Variants in F5 observed in about 807,000 individuals in gnomAD.
The protein encoded by F5 is activated protein c cofactor.
In F5, 138 loss-of-function variants were observed where a neutral mutation model predicts 216.4. The ratio of observed to expected loss-of-function variants is 0.64; its 90% CI spans 0.56 to 0.73. The LOEUF (loss-of-function observed/expected upper bound fraction) is 0.73. Among genes scored for constraint, F5 ranks in the 30% least tolerant of loss-of-function variants. The pLI is 0.00. For missense variants in F5, 2,403 were observed against 2,674.0 expected (o/e 0.90, Z 2.24); for synonymous variants, 916 against 930.7 (o/e 0.98, Z 0.29).
At position 169,511,993 on chromosome 1, in the gene F5, T is replaced by G. The variant is rs891250442; in HGVS notation, c.*2320A>C. Among the ~76,000 whole-genome samples, 1 of 152,064 alleles carries G rather than the reference T, an allele frequency of 6.6e-6. No homozygotes were observed. Among genetic ancestry groups the G allele is most frequent in the Non-Finnish European group, 1.5e-5 (1 of 67,978 alleles). ...TTTTTATTTCAAAATAACAGGGGTT[T>G]TAATATTTCTACACAGCATTAGATA... is the stretch of plus-strand genomic sequence containing the variant. On this transcript the variant is annotated 3_prime_UTR_variant, in exon 25 of 25. Transcript: ENST00000367797.
chr1:169,585,571 G>A (rs1661087799), intron 1 of F5, among the ~76,000 whole-genome samples: 1 of 152,036 alleles, frequency 6.6e-6, no homozygotes, highest in South Asian at 2.1e-4. Context: ...AGTTACATAT[G>A]CCTTTAAGTA....
intron 2 of F5, 146 bp downstream of exon 2, chr1:169,582,285 C>T (rs1390774527): frequency 3.9e-6 from 2 of 509,446 alleles, no homozygotes; most frequent in Middle Eastern, 5.4e-4. Context: ...GCACTGGGCC[C>T]CACATATTAT....
Position 169,556,736 on chromosome 1 carries a change from G to A in F5, c.862C>T (p.Leu288Phe), listed in dbSNP as rs147889072. 15 of 1,614,010 alleles carry A rather than the reference G, an allele frequency of 9.3e-6. No individual in the cohort carries two copies. Among genetic ancestry groups the A allele is most frequent in the South Asian group, 2.2e-5 (2 of 91,094 alleles). ...GCGGTAGTGGATGTAGCACTGACAA[G>A]GGTGATGGCTGAGACCTTATGATGG... ...QNHHKVSAITLVSATSTTANM... is the reference protein window; with the variant it reads ...QNHHKVSAITFVSATSTTANM... Residue 288 changes from leucine to phenylalanine, a missense_variant, in exon 6 of 25, where the codon CTT (leucine) becomes TTT (phenylalanine). Transcript: ENST00000367797.
intron 13 of F5, among the ~76,000 whole-genome samples, chr1:169,537,415 G>A (rs574346869): frequency 6.6e-6 from 1 of 152,266 alleles, no homozygotes; most frequent in South Asian, 2.1e-4. Flanking sequence ...TAAGCTTCTT[G>A]ACATTGGTGT....
chr1:169,536,642 T>A lies in F5; in HGVS notation c.4835A>T (p.Asp1612Val), dbSNP rs141589936. The part of the protein sequence containing the change: ...DIEDSDDIPE[D>V]TTYKKVVFRK... ...AAAAACTACTTTCTTATATGTGGTA[T>A]CTTCTGGAATATCATCAGAGTCTTC... is the stretch of plus-strand genomic sequence containing the variant. The change falls in exon 14 of 25, where the codon GAT becomes GTT. Residue 1612 changes from aspartate to valine, a missense_variant. Coordinates refer to ENST00000367797, the MANE Select transcript of F5 (RefSeq NM_000130.5). 7.0e-5 allele frequency: 113 copies of A among 1,612,868 alleles called. No individual in the cohort carries two copies. In the African/African-American group the frequency reaches 1.4e-3, roughly 20 times the overall value.
intron 17 of F5, among the ~76,000 whole-genome samples, chr1:169,526,942 G>A (rs1019743022): frequency 6.6e-6 from 1 of 151,580 alleles, no homozygotes; most frequent in African/African-American, 2.4e-5. Flanking sequence ...TGAGTTACTG[G>A]CATGTGAAAA....
In F5 at chr1:169,560,624, A is replaced by G. The variant is rs1397876660; in HGVS notation, c.516T>C (p.Tyr172=). The G allele has an allele frequency of 1.2e-6, 2 of 1,613,770 alleles. No homozygotes were observed. The highest frequency in any genetic ancestry group is 8.5e-7 in the Non-Finnish European group (1 of 1,179,800). ...HDDPPCLTHI[Y]YSHENLIEDF... ...CCTCGATCAGATTTTCATGGGAGTA[A>G]TAGATGTGTGTGAGGCATGGAGGGT... Residue 172 remains tyrosine (Y), a synonymous_variant, in exon 4 of 25, where the codon TAT becomes TAC. Coordinates refer to ENST00000367797, the MANE Select transcript of F5 (RefSeq NM_000130.5).
intron 13 of F5, 45 bp from the exon 14 acceptor site, chr1:169,536,725 G>T (rs1409140151): frequency 7.3e-6 from 11 of 1,509,048 alleles, no homozygotes; most frequent in Non-Finnish European, 9.2e-6. Context: ...ATTAAAGACT[G>T]TTCCCAGAAT....
At chr1:169,559,406 T>C (rs1429353626) in intron 4 of F5, 110 bp from the exon 5 acceptor site, 3 of 1,097,722 alleles carry the variant, frequency 2.7e-6, no homozygotes, top group East Asian at 2.4e-5. Context: ...TGATTTCAAC[T>C]TGAAGAAATT....
chr1:169,550,270 T>TCCCCCCCCCCCCC (rs1272186330), intron 9 of F5, among the ~76,000 whole-genome samples: 24 of 88,984 alleles, frequency 2.7e-4, no homozygotes, highest in South Asian at 8.7e-4. Flanking sequence ...CCTAATGCTA[T>TCCCCCCCCCCCCC]CCCTCCCCCC....
At chr1:169,521,114 A>T (rs1187590024) in intron 21 of F5, among the ~76,000 whole-genome samples, 1 of 152,206 alleles carries the variant, frequency 6.6e-6, no homozygotes, top group East Asian at 1.9e-4. Flanking sequence ...AAAGGGCAGC[A>T]TAGCGAGATA....
At chr1:169,573,139 CT>C (rs963743969) in intron 2 of F5, among the ~76,000 whole-genome samples, 2 of 151,774 alleles carry the variant, frequency 1.3e-5, no homozygotes, top group African/African-American at 4.8e-5. Flanking sequence ...GTAGAGATGA[CT>C]TTTCACCATG....
At chr1:169,553,725 A>G (rs565264507) in intron 7 of F5, among the ~76,000 whole-genome samples, 1 of 152,354 alleles carries the variant, frequency 6.6e-6, no homozygotes, top group South Asian at 2.1e-4. Flanking sequence ...CCGTCTCAAA[A>G]AAAGAAAGAA....
At chr1:169,559,420 ATT>A in intron 4 of F5, 124 bp from the exon 5 acceptor site, 1 of 959,872 alleles carries the variant, frequency 1.0e-6, no homozygotes, top group Non-Finnish European at 1.6e-6. Context: ...AGAAATTCTT[ATT>A]TTTTAAAATA....
At chr1:169,573,996 TAAACAATAA>T (rs1456356981) in intron 2 of F5, among the ~76,000 whole-genome samples, 5 of 151,954 alleles carry the variant, frequency 3.3e-5, no homozygotes, top group Non-Finnish European at 7.4e-5. Flanking sequence ...CAATAAAAAA[TAAACAATAA>T]AAACAATACA....
chr1:169,530,370 C>T (rs973531874), intron 15 of F5, among the ~76,000 whole-genome samples: 2 of 152,162 alleles, frequency 1.3e-5, no homozygotes, highest in Non-Finnish European at 2.9e-5. Context: ...AAATTGTATG[C>T]ATATACTGTG....
intron 15 of F5, 76 bp downstream of exon 15, chr1:169,530,710 C>T (rs1474498918): frequency 1.2e-5 from 15 of 1,295,568 alleles, no homozygotes; most frequent in Non-Finnish European, 1.5e-5. Flanking sequence ...CAAGAAATAA[C>T]CCCGACTCTT....
chr1:169,558,820 G>A (rs891836761), intron 5 of F5, among the ~76,000 whole-genome samples: 6 of 152,046 alleles, frequency 3.9e-5, no homozygotes, highest in African/African-American at 1.4e-4. Flanking sequence ...TCCTGCTAGG[G>A]CTTGTCCTTG....
chr1:169,540,209 C>T (rs1659800259), intron 13 of F5, 85 bp downstream of exon 13: 4 of 1,459,734 alleles, frequency 2.7e-6, no homozygotes, highest in Non-Finnish European at 3.8e-6. Flanking sequence ...ATAATTTGCC[C>T]ACAATTATCC....
Sources: allele counts gnomAD v4.1 joint callset (sites outside exome capture counted in the v4.1 genomes callset), GRCh38; gene constraint gnomAD v4.1.1; transcripts MANE v1.5; gene names NCBI Gene and HGNC (gene_info 2026-07-23, HGNC 2026-07-21).